Variants in PTPRN2 observed in about 807,000 individuals in gnomAD.
PTPRN2 encodes protein tyrosine phosphatase receptor type N2.
Under a neutral mutation model 118.8 loss-of-function variants are expected in PTPRN2, and 74 were observed. The observed-to-expected ratio is 0.62, with a 90% CI of 0.52 to 0.76. The LOEUF (loss-of-function observed/expected upper bound fraction) is 0.76, where lower values mean the gene tolerates loss of function less well. Among genes scored for constraint, PTPRN2 ranks in the 30% least tolerant of loss-of-function variants. The pLI is 0.00. For synonymous variants in PTPRN2, 641 were observed against 608.0 expected (o/e 1.05, Z -0.80); for missense variants, 1,481 against 1,394.4 (o/e 1.06, Z -0.99).
intron 3 of PTPRN2, among the ~76,000 whole-genome samples, chr7:158,247,380 T>C (rs7782800): frequency 0.8 from 122,152 of 152,144 alleles, 49,438 homozygotes; most frequent in African/African-American, 0.89. Context: ...TGACCGTGTC[T>C]GCGTGTCTAA....
In PTPRN2 at chr7:157,772,232, CACAT is replaced by C. The variant is rs548312632; in HGVS notation, c.1789-89299_1789-89296del. Among the ~76,000 whole-genome samples the C allele has an allele frequency of 2.5e-3, 381 of 151,952 alleles. 2 individuals are homozygous for C. Among genetic ancestry groups the C allele is most frequent in the African/African-American group, 8.8e-3 (366 of 41,422 alleles). On this transcript the variant is annotated intron_variant, in intron 12 of 22. Transcript: ENST00000389418. Reference sequence around the variant, plus strand: ...AGACACACATAGACACAGACACACACACATACACACAGACACAGACGCACACAGA... The same window carrying C: ...AGACACACATAGACACAGACACACACACACACAGACACAGACGCACACAGA...
At chr7:158,089,748 A>C (rs1813886142) in intron 10 of PTPRN2, among the ~76,000 whole-genome samples, 2 of 141,292 alleles carry the variant, frequency 1.4e-5, no homozygotes, top group South Asian at 4.4e-4. Flanking sequence ...GTCTTCACAC[A>C]AACCTTCTTC....
intron 19 of PTPRN2, among the ~76,000 whole-genome samples, chr7:157,572,277 T>C (rs1348208558): frequency 6.6e-6 from 1 of 152,276 alleles, no homozygotes; most frequent in East Asian, 1.9e-4. Flanking sequence ...TCTGAATAAG[T>C]AAAATTAAAG....
intron 1 of PTPRN2, among the ~76,000 whole-genome samples, chr7:158,575,407 C>T (rs1174157083): frequency 6.6e-6 from 1 of 152,190 alleles, no homozygotes; most frequent in Non-Finnish European, 1.5e-5. Context: ...TGGCTAGCCC[C>T]ATAAGATGGG....
chr7:158,575,237 T>TC (rs1240910902), intron 1 of PTPRN2, among the ~76,000 whole-genome samples: 1 of 152,254 alleles, frequency 6.6e-6, no homozygotes, highest in Non-Finnish European at 1.5e-5. Flanking sequence ...TTCTTTTTTT[T>TC]CATAGTGCTT....
chr7:158,387,503 T>TGTGG (rs1811501716), intron 2 of PTPRN2, among the ~76,000 whole-genome samples: 1 of 152,296 alleles, frequency 6.6e-6, no homozygotes. Context: ...TGCGATCGGG[T>TGTGG]TACGATGTTG....
At chr7:157,725,113 A>C (rs1189080548) in intron 12 of PTPRN2, among the ~76,000 whole-genome samples, 2 of 151,946 alleles carry the variant, frequency 1.3e-5, no homozygotes, top group Non-Finnish European at 1.5e-5. Context: ...CGGTTTCCTC[A>C]ACAGGTGGTT....
intron 12 of PTPRN2, among the ~76,000 whole-genome samples, chr7:157,757,456 GAGGACC>G (rs1801856282): frequency 6.6e-6 from 1 of 152,168 alleles, no homozygotes; most frequent in Non-Finnish European, 1.5e-5. Context: ...TGGGGACAAG[GAGGACC>G]CCGGCAGGCG....
rs186383872 is a variant in PTPRN2, at chr7:158,487,330, A to T, written c.163+2405T>A. 2.1e-3 allele frequency among the ~76,000 whole-genome samples: 313 copies of T among 152,252 alleles called. 4 individuals are homozygous for T. The highest frequency in any genetic ancestry group is 7.7e-3 in the South Asian group (37 of 4,830). On this transcript the variant is annotated intron_variant, in intron 2 of 22. Transcript: ENST00000389418. ...GAGGCAAATTAAAAACTCTATTTTT[A>T]ATTTTTTAGGAAACCACCATACTGT...
rs549755802 is a variant in PTPRN2, at chr7:158,273,391, T to G, written c.277+43428A>C. On this transcript the variant is annotated intron_variant, in intron 3 of 22. Transcript: ENST00000389418. Reference sequence around the variant, plus strand: ...TGCAGCCCTGTCCCAGCGTCGTGGATGCAGACACGGGAGGAGCCGCAGACA... The same window carrying G: ...TGCAGCCCTGTCCCAGCGTCGTGGAGGCAGACACGGGAGGAGCCGCAGACA... Among the ~76,000 whole-genome samples the G allele has an allele frequency of 4.6e-3, 649 of 142,530 alleles. 49 individuals carry two copies. The highest frequency in any genetic ancestry group is 7.8e-3 in the Non-Finnish European group (525 of 67,428). 93.5% of individuals were successfully genotyped at this position (142,530 alleles called of 152,430 possible). A position where few individuals can be genotyped will look rare whatever the true frequency, so the allele number is the denominator to read the frequency against.
At chr7:158,374,043 G>A (rs117495478) in intron 2 of PTPRN2, among the ~76,000 whole-genome samples, 9,236 of 152,300 alleles carry the variant, frequency 0.061, 352 homozygotes, top group Admixed American at 0.094. Flanking sequence ...GCAACACGAC[G>A]CCCACGCGCC....
intron 4 of PTPRN2, among the ~76,000 whole-genome samples, chr7:158,199,148 G>T (rs1332043577): frequency 6.6e-6 from 1 of 151,674 alleles, no homozygotes; most frequent in East Asian, 1.9e-4. Context: ...ATGTTCTCAG[G>T]TTCCTGGTTC....
chr7:158,428,902 G>T (rs758859428), intron 2 of PTPRN2, among the ~76,000 whole-genome samples: 1 of 152,234 alleles, frequency 6.6e-6, no homozygotes, highest in African/African-American at 2.4e-5. Flanking sequence ...CGTCCTGGGG[G>T]CATCCCAGCT....
chr7:158,152,186 A>AAAAAAG (rs1270860643), intron 6 of PTPRN2, among the ~76,000 whole-genome samples: 1 of 151,082 alleles, frequency 6.6e-6, no homozygotes, highest in Non-Finnish European at 1.5e-5. Flanking sequence ...AAAAAAAAAA[A>AAAAAAG]AAAAACCATG....
intron 3 of PTPRN2, among the ~76,000 whole-genome samples, chr7:158,268,885 C>A (rs1474116467): frequency 6.7e-6 from 1 of 148,372 alleles, no homozygotes; most frequent in Admixed American, 6.7e-5. Context: ...ATATCCCAGC[C>A]GCACGCACAC....
At chr7:158,005,470 A>C (rs1805572942) in intron 11 of PTPRN2, among the ~76,000 whole-genome samples, 1 of 152,236 alleles carries the variant, frequency 6.6e-6, no homozygotes, top group Non-Finnish European at 1.5e-5. Context: ...GCAAAGAGAA[A>C]GGTCACTAAG....
intron 14 of PTPRN2, among the ~76,000 whole-genome samples, chr7:157,642,299 C>A (rs2150696861): frequency 6.6e-6 from 1 of 152,308 alleles, no homozygotes; most frequent in East Asian, 1.9e-4. Context: ...GTAAGCAGAG[C>A]CCACCTGACG....
chr7:157,847,044 T>C (rs1374174329), intron 12 of PTPRN2, among the ~76,000 whole-genome samples: 1 of 149,860 alleles, frequency 6.7e-6, no homozygotes, highest in Non-Finnish European at 1.5e-5. Flanking sequence ...GGCCGATGTT[T>C]ACAGAGCCCT....
chr7:158,549,758 C>T (rs950716153), intron 1 of PTPRN2, among the ~76,000 whole-genome samples: 2 of 152,242 alleles, frequency 1.3e-5, no homozygotes, highest in Admixed American at 6.5e-5. Context: ...GTGAGAACAC[C>T]GATTCACTCC....
Sources: allele counts gnomAD v4.1 joint callset (sites outside exome capture counted in the v4.1 genomes callset), GRCh38; gene constraint gnomAD v4.1.1; transcripts MANE v1.5; gene names NCBI Gene and HGNC (gene_info 2026-07-23, HGNC 2026-07-21).